SUPT3H: variants seen among roughly 807,000 people sequenced by gnomAD.
SUPT3H encodes the protein SPT3 homolog, SAGA and STAGA complex component, also known as transcription initiation protein SPT3 homolog.
SUPT3H carries 44 observed loss-of-function variants against 44.3 expected under a neutral mutation model. The observed-to-expected ratio is 0.99, with a 90% CI of 0.78 to 1.28. The LOEUF is 1.28. SUPT3H is among the 50% of genes most tolerant of loss of function. The pLI is 0.00. For missense variants in SUPT3H, 380 were observed against 387.1 expected (o/e 0.98, Z 0.15); for synonymous variants, 124 against 125.6 (o/e 0.99, Z 0.09).
intron 2 of SUPT3H, among the ~76,000 whole-genome samples, chr6:45,208,199 C>G (rs1269587620): frequency 6.6e-6 from 1 of 152,140 alleles, no homozygotes; most frequent in African/African-American, 2.4e-5. Context: ...TCCCATAAGC[C>G]AAAGCCTAAT....
At chr6:44,863,687 T>C (rs1365649122) in intron 10 of SUPT3H, among the ~76,000 whole-genome samples, 1 of 152,032 alleles carries the variant, frequency 6.6e-6, no homozygotes, top group Non-Finnish European at 1.5e-5. Context: ...CATGTGGGGC[T>C]GTATTTTCAT....
chr6:45,013,821 C>T (rs1360163327), intron 5 of SUPT3H, among the ~76,000 whole-genome samples: 1 of 152,050 alleles, frequency 6.6e-6, no homozygotes, highest in Non-Finnish European at 1.5e-5. Context: ...GGGCAAGCTA[C>T]ACTCACTCAG....
chr6:45,369,157 A>G (rs915439537), intron 1 of SUPT3H, among the ~76,000 whole-genome samples: 5 of 152,082 alleles, frequency 3.3e-5, no homozygotes, highest in Non-Finnish European at 7.4e-5. Flanking sequence ...ACTTATCTCA[A>G]ATCAGTCACA....
intron 2 of SUPT3H, among the ~76,000 whole-genome samples, chr6:45,179,327 G>A (rs1812655037): frequency 6.6e-6 from 1 of 152,004 alleles, no homozygotes; most frequent in Admixed American, 6.5e-5. Context: ...CATTCCTTCT[G>A]AAACTATTCC....
At chr6:44,850,257 TAAATA>T (rs1260532585) in intron 10 of SUPT3H, among the ~76,000 whole-genome samples, 1 of 152,114 alleles carries the variant, frequency 6.6e-6, no homozygotes, top group Middle Eastern at 3.2e-3. Context: ...AATAAAAACT[TAAATA>T]AAATAAACAG....
chr6:45,199,417 T>A (rs1410234281), intron 2 of SUPT3H, among the ~76,000 whole-genome samples: 2 of 150,710 alleles, frequency 1.3e-5, no homozygotes, highest in Admixed American at 1.3e-4. Flanking sequence ...CTTAAGTAAT[T>A]TTATAAAAAA....
At chr6:45,018,117 G>T (rs1784576234) in intron 4 of SUPT3H, among the ~76,000 whole-genome samples, 1 of 151,714 alleles carries the variant, frequency 6.6e-6, no homozygotes, top group South Asian at 2.1e-4. Flanking sequence ...AATTGTGAAT[G>T]GGAGTTCACT....
At chr6:44,855,526 T>C (rs770471636) in intron 10 of SUPT3H, among the ~76,000 whole-genome samples, 7 of 152,320 alleles carry the variant, frequency 4.6e-5, no homozygotes, top group Middle Eastern at 3.4e-3. Context: ...GGTACTGGTC[T>C]GAAATGTGCC....
chr6:44,996,337 T>G (rs1480640330), intron 6 of SUPT3H, among the ~76,000 whole-genome samples: 3 of 151,820 alleles, frequency 2.0e-5, no homozygotes, highest in Non-Finnish European at 4.4e-5. Flanking sequence ...CTTTGCCAAT[T>G]TTCCTACTAG....
intron 5 of SUPT3H, among the ~76,000 whole-genome samples, chr6:45,005,345 T>G (rs959555437): frequency 2.6e-5 from 4 of 152,194 alleles, no homozygotes; most frequent in African/African-American, 7.2e-5. Flanking sequence ...TCTTAACAAT[T>G]CAAAGGGCTC....
intron 2 of SUPT3H, among the ~76,000 whole-genome samples, chr6:45,176,145 G>A (rs558911695): frequency 6.6e-6 from 1 of 152,096 alleles, no homozygotes; most frequent in African/African-American, 2.4e-5. Flanking sequence ...GGTGATTTCT[G>A]CATTTCCATC....
chr6:45,214,203 A>G (rs1488497004), intron 2 of SUPT3H, among the ~76,000 whole-genome samples: 1 of 152,030 alleles, frequency 6.6e-6, no homozygotes, highest in Non-Finnish European at 1.5e-5. Context: ...CACCTTATGA[A>G]AAAAATTTAA....
chr6:45,055,132 G>A (rs1475871280), intron 3 of SUPT3H, among the ~76,000 whole-genome samples: 1 of 152,054 alleles, frequency 6.6e-6, no homozygotes, highest in African/African-American at 2.4e-5. Context: ...ACAAGAATAT[G>A]AGAAACAACA....
chr6:45,240,594 G>T (rs1396536387), intron 2 of SUPT3H, among the ~76,000 whole-genome samples: 2 of 152,170 alleles, frequency 1.3e-5, no homozygotes, highest in Non-Finnish European at 2.9e-5. Context: ...TTACAGAACA[G>T]GCAGAGGTGC....
intron 2 of SUPT3H, among the ~76,000 whole-genome samples, chr6:45,306,970 T>C (rs1211026851): frequency 6.6e-6 from 1 of 152,226 alleles, no homozygotes; most frequent in South Asian, 2.1e-4. Flanking sequence ...CAGGAGATTA[T>C]ATCCCGCACC....
At chr6:44,887,030 C>A (rs1458445210) in intron 10 of SUPT3H, among the ~76,000 whole-genome samples, 2 of 152,124 alleles carry the variant, frequency 1.3e-5, no homozygotes, top group African/African-American at 4.8e-5. Flanking sequence ...AAGGCCATTA[C>A]ATAATGGTAA....
intron 2 of SUPT3H, among the ~76,000 whole-genome samples, chr6:45,286,158 G>A (rs928299159): frequency 2.5e-4 from 38 of 151,572 alleles, no homozygotes; most frequent in African/African-American, 9.2e-4. Flanking sequence ...AGAAAACCTA[G>A]GCAATACCAT....
chr6:45,261,317 T>C (rs183187315), intron 2 of SUPT3H, among the ~76,000 whole-genome samples: 1 of 152,100 alleles, frequency 6.6e-6, no homozygotes, highest in East Asian at 1.9e-4. Flanking sequence ...GATGCACAAA[T>C]TGTCAACAAA....
At chr6:45,067,448 C>A (rs1215775319) in intron 3 of SUPT3H, among the ~76,000 whole-genome samples, 6 of 135,480 alleles carry the variant, frequency 4.4e-5, no homozygotes, top group Middle Eastern at 3.8e-3. Flanking sequence ...GCAACAAAAG[C>A]CAAAATTGAC....
Sources: allele counts gnomAD v4.1 joint callset (sites outside exome capture counted in the v4.1 genomes callset), GRCh38; gene constraint gnomAD v4.1.1; transcripts MANE v1.5; gene names NCBI Gene and HGNC (gene_info 2026-07-23, HGNC 2026-07-21).